The following FHIT variants were observed in gnomAD, a reference collection of about 807,000 sequenced individuals.
FHIT encodes the protein fragile histidine triad diadenosine triphosphatase, also known as bis(5'-adenosyl)-triphosphatase.
FHIT carries 19 observed loss-of-function variants against 17.9 expected under a neutral mutation model. The ratio of observed to expected loss-of-function variants is 1.06; its 90% CI spans 0.74 to 1.56. The LOEUF is 1.56. Ranked by LOEUF, FHIT falls within the 40% of genes most tolerant of loss-of-function variation. The pLI is 0.00. For missense variants in FHIT, 248 were observed against 189.2 expected, an observed-to-expected ratio of 1.31 and a Z score of -1.82; for synonymous variants, 81 against 69.7, an observed-to-expected ratio of 1.16 and a Z score of -0.81.
chr3:60,145,189 A>C (rs1472619355), intron 5 of FHIT, among the ~76,000 whole-genome samples: 3 of 152,200 alleles, frequency 2.0e-5, no homozygotes, highest in African/African-American at 7.2e-5. Context: ...TTCTACTGAA[A>C]ATAATACACA....
intron 8 of FHIT, among the ~76,000 whole-genome samples, chr3:59,772,854 G>C (rs1702135042): frequency 6.6e-6 from 1 of 152,150 alleles, no homozygotes; most frequent in African/African-American, 2.4e-5. Context: ...CGAATATCGA[G>C]GGAGAAAAGC....
At chr3:60,823,158 A>G (rs1004903707) in intron 3 of FHIT, among the ~76,000 whole-genome samples, 1 of 152,152 alleles carries the variant, frequency 6.6e-6, no homozygotes, top group Non-Finnish European at 1.5e-5. Context: ...TCAGGCCATC[A>G]TGCTGCCTAC....
intron 3 of FHIT, among the ~76,000 whole-genome samples, chr3:60,823,983 T>G (rs1702027243): frequency 6.6e-6 from 1 of 151,440 alleles, no homozygotes; most frequent in Non-Finnish European, 1.5e-5. Flanking sequence ...CAGGGGAGAG[T>G]GGCAGGAAAC....
intron 8 of FHIT, among the ~76,000 whole-genome samples, chr3:59,814,342 C>T (rs1159673802): frequency 6.6e-6 from 1 of 152,168 alleles, no homozygotes; most frequent in African/African-American, 2.4e-5. Context: ...GGTGCCAGAG[C>T]ACGTATGGTC....
chr3:60,974,155 G>C (rs576132898), intron 3 of FHIT, among the ~76,000 whole-genome samples: 23 of 152,280 alleles, frequency 1.5e-4, no homozygotes, highest in African/African-American at 5.3e-4. Flanking sequence ...ATGATATCAA[G>C]TTATTTGAAA....
intron 4 of FHIT, among the ~76,000 whole-genome samples, chr3:60,770,603 T>C (rs1338410548): frequency 6.6e-6 from 1 of 152,148 alleles, no homozygotes; most frequent in African/African-American, 2.4e-5. Flanking sequence ...TTAGGATAAA[T>C]TGCAATAAAA....
rs539404016 is a variant in FHIT, at chr3:60,057,820, T to C, written c.104-43668A>G. ...CCCTAGTTCCTGTTTTCTTATACAT[T>C]ATTACATTTCTTCCTGGCTATATAA... On this transcript the variant is annotated intron_variant, in intron 5 of 9. Transcript: ENST00000492590. Among the ~76,000 whole-genome samples, 8 of 152,256 alleles carry C rather than the reference T, an allele frequency of 5.3e-5. No homozygotes were observed. In the East Asian group the frequency reaches 1.5e-3, roughly 29 times the overall value.
At chr3:60,713,455 C>CA (rs1206970595) in intron 4 of FHIT, among the ~76,000 whole-genome samples, 11 of 141,020 alleles carry the variant, frequency 7.8e-5, no homozygotes, top group African/African-American at 1.6e-4. Context: ...AATAGAGACA[C>CA]AAAAAACCCT....
intron 5 of FHIT, among the ~76,000 whole-genome samples, chr3:60,024,590 C>T (rs890268756): frequency 1.3e-5 from 2 of 152,154 alleles, no homozygotes; most frequent in Non-Finnish European, 2.9e-5. Context: ...GTACAGTCAT[C>T]CTCTCCCTTC....
intron 7 of FHIT, among the ~76,000 whole-genome samples, chr3:59,998,358 A>C (rs1699599083): frequency 6.6e-6 from 1 of 152,112 alleles, no homozygotes; most frequent in Non-Finnish European, 1.5e-5. Flanking sequence ...TATGCCCAGG[A>C]ATCTATGAAC....
At chr3:60,802,913 G>T (rs532819471) in intron 4 of FHIT, among the ~76,000 whole-genome samples, 2 of 152,268 alleles carry the variant, frequency 1.3e-5, no homozygotes, top group Admixed American at 6.5e-5. Context: ...ATGTAAAGCT[G>T]ATTAAAATTC....
intron 5 of FHIT, among the ~76,000 whole-genome samples, chr3:60,196,498 C>T (rs1411677949): frequency 6.6e-6 from 1 of 152,080 alleles, no homozygotes; most frequent in Non-Finnish European, 1.5e-5. Context: ...ATCCCCCTAT[C>T]CCAAAATTTT....
chr3:60,772,953 T>C (rs1215519913), intron 4 of FHIT, among the ~76,000 whole-genome samples: 1 of 152,180 alleles, frequency 6.6e-6, no homozygotes, highest in Non-Finnish European at 1.5e-5. Flanking sequence ...ACCCATTGCA[T>C]AGCCATCCCT....
chr3:60,086,115 A>C (rs1445886397), intron 5 of FHIT, among the ~76,000 whole-genome samples: 3 of 152,178 alleles, frequency 2.0e-5, no homozygotes, highest in Non-Finnish European at 2.9e-5. Flanking sequence ...TGTATGCACA[A>C]ATCACATGGT....
intron 5 of FHIT, among the ~76,000 whole-genome samples, chr3:60,159,252 C>A (rs112241535): frequency 6.6e-5 from 10 of 152,092 alleles, no homozygotes. Flanking sequence ...CTCCAACTAG[C>A]TGAGACTACA....
At chr3:60,266,617 C>A (rs1258808575) in intron 5 of FHIT, among the ~76,000 whole-genome samples, 2 of 152,004 alleles carry the variant, frequency 1.3e-5, no homozygotes, top group Non-Finnish European at 2.9e-5. Flanking sequence ...GGAGTTAGAT[C>A]CTCAGATCCC....
At chr3:60,347,675 T>TGG (rs33987270) in intron 5 of FHIT, among the ~76,000 whole-genome samples, 1,140 of 27,272 alleles carry the variant, frequency 0.042, 31 homozygotes, top group South Asian at 0.097. Context: ...ACCACTGGTT[T>TGG]GGGGGGGGGG....
chr3:60,786,790 T>C (rs1700592605), intron 4 of FHIT, among the ~76,000 whole-genome samples: 1 of 152,194 alleles, frequency 6.6e-6, no homozygotes, highest in Admixed American at 6.5e-5. Context: ...ATCTGAGAAA[T>C]ACTTGTGAAT....
At chr3:60,932,811 G>C (rs999854141) in intron 3 of FHIT, among the ~76,000 whole-genome samples, 1 of 152,218 alleles carries the variant, frequency 6.6e-6, no homozygotes, top group South Asian at 2.1e-4. Flanking sequence ...GGAGAAAGGA[G>C]GGTAGCCCCT....
Sources: allele counts gnomAD v4.1 joint callset (sites outside exome capture counted in the v4.1 genomes callset), GRCh38; gene constraint gnomAD v4.1.1; transcripts MANE v1.5; gene names NCBI Gene and HGNC (gene_info 2026-07-23, HGNC 2026-07-21).